Variants in RBFOX1 observed in about 807,000 individuals in gnomAD.
RBFOX1 encodes the protein RNA binding protein fox-1 homolog 1.
A neutral mutation model predicts 57.7 loss-of-function variants in RBFOX1; 8 were observed. The observed-to-expected ratio is 0.14, with a 90% CI of 0.08 to 0.25. RBFOX1 has a LOEUF of 0.25. Among genes scored for constraint, RBFOX1 ranks in the 10% least tolerant of loss-of-function variants. RBFOX1 has a pLI of 1.00. For synonymous variants in RBFOX1, 326 were observed against 222.4 expected, an observed-to-expected ratio of 1.47 and a Z score of -4.15; for missense variants, 611 against 548.5, an observed-to-expected ratio of 1.11 and a Z score of -1.14.
At chr16:6,734,491 T>A (rs12930040) in intron 3 of RBFOX1, among the ~76,000 whole-genome samples, 1 of 152,034 alleles carries the variant, frequency 6.6e-6, no homozygotes, top group Non-Finnish European at 1.5e-5. Flanking sequence ...GATGAGGACA[T>A]GGGTCCAGGA....
intron 4 of RBFOX1, among the ~76,000 whole-genome samples, chr16:7,360,620 A>T (rs2097302423): frequency 6.6e-6 from 1 of 152,222 alleles, no homozygotes; most frequent in Non-Finnish European, 1.5e-5. Flanking sequence ...ACAAAGGCAA[A>T]GGAATTATCC....
chr16:6,135,785 C>CTGT (rs2096662502), intron 1 of RBFOX1, among the ~76,000 whole-genome samples: 9 of 85,034 alleles, frequency 1.1e-4, no homozygotes, highest in African/African-American at 4.8e-4. Flanking sequence ...CTCGTTTCGA[C>CTGT]TTTTTTTTTT....
chr16:6,238,106 A>AAAAAAG (rs1567746244), intron 1 of RBFOX1, among the ~76,000 whole-genome samples: 3 of 150,402 alleles, frequency 2.0e-5, no homozygotes, highest in Non-Finnish European at 1.5e-5. Flanking sequence ...AAAAAAAAAA[A>AAAAAAG]AAAAAGAAAG....
At chr16:6,308,541 C>T (rs966056295) in intron 1 of RBFOX1, among the ~76,000 whole-genome samples, 5 of 152,190 alleles carry the variant, frequency 3.3e-5, no homozygotes, top group Non-Finnish European at 7.3e-5. Context: ...TGCACTTGAA[C>T]ATCCTGCTCG....
At chr16:7,612,148 C>T (rs888462516) in intron 10 of RBFOX1, among the ~76,000 whole-genome samples, 34 of 151,658 alleles carry the variant, frequency 2.2e-4, no homozygotes, top group Non-Finnish European at 4.0e-4. Flanking sequence ...GATGAAACCC[C>T]GTCTCTACTA....
At chr16:6,587,284 T>C (rs894944980) in intron 2 of RBFOX1, among the ~76,000 whole-genome samples, 2 of 125,882 alleles carry the variant, frequency 1.6e-5, no homozygotes, top group African/African-American at 5.2e-5. Flanking sequence ...TTTTTCTGAG[T>C]TTGGCCTTTT....
intron 4 of RBFOX1, among the ~76,000 whole-genome samples, chr16:5,989,796 C>A (rs2060355485): frequency 6.7e-6 from 1 of 148,734 alleles, no homozygotes; most frequent in African/African-American, 2.5e-5. Context: ...TAGAGGTTGA[C>A]ACCCACCGAA....
rs1013389580 is a variant in RBFOX1, at chr16:6,741,392, G to T, written c.-16+86742G>T. The stretch of plus-strand genomic sequence containing the variant: ...CTTCATCAAAATTTGGCTGGACGGG[G>T]TGGCTCATGCCTGTAATACCAGCAC... On this transcript the variant is annotated intron_variant, in intron 3 of 15. Coordinates refer to ENST00000550418, the MANE Select transcript of RBFOX1 (RefSeq NM_018723.4). 3.3e-5 allele frequency among the ~76,000 whole-genome samples: 5 copies of T among 152,216 alleles called. No homozygotes were observed. The East Asian group carries it at 7.7e-4, about 24-fold the overall frequency.
At chr16:5,824,876 T>C in intron 3 of RBFOX1, among the ~76,000 whole-genome samples, 1 of 148,544 alleles carries the variant, frequency 6.7e-6, no homozygotes, top group East Asian at 1.9e-4. Context: ...TATCCTTTGG[T>C]TTACTTTCCT....
intron 1 of RBFOX1, among the ~76,000 whole-genome samples, chr16:5,324,171 T>TA (rs1178341288): frequency 2.0e-5 from 3 of 152,110 alleles, no homozygotes; most frequent in African/African-American, 7.2e-5. Flanking sequence ...TCCTTGGAAA[T>TA]AGAGAATTCT....
chr16:6,671,287 C>T (rs368657379), intron 3 of RBFOX1, among the ~76,000 whole-genome samples: 21 of 151,988 alleles, frequency 1.4e-4, no homozygotes, highest in Admixed American at 3.9e-4. Flanking sequence ...GAGTATTATG[C>T]GGCTATTAAA....
chr16:7,009,628 A>G (rs1200953214), intron 3 of RBFOX1, among the ~76,000 whole-genome samples: 2 of 152,174 alleles, frequency 1.3e-5, no homozygotes, highest in Non-Finnish European at 2.9e-5. Context: ...TGTATAGCAT[A>G]TTGGAATTCT....
At chr16:7,435,006 C>G (rs2149702336) in intron 4 of RBFOX1, among the ~76,000 whole-genome samples, 1 of 152,292 alleles carries the variant, frequency 6.6e-6, no homozygotes, top group African/African-American at 2.4e-5. Flanking sequence ...TCCCAAAGTG[C>G]TGTCTTGTTC....
At chr16:6,386,149 A>T (rs1372468713) in intron 2 of RBFOX1, among the ~76,000 whole-genome samples, 1 of 151,848 alleles carries the variant, frequency 6.6e-6, no homozygotes, top group East Asian at 1.9e-4. Flanking sequence ...GTCACTCAGG[A>T]TGGTCTCGAT....
At chr16:7,298,638 C>T (rs975340522) in intron 4 of RBFOX1, among the ~76,000 whole-genome samples, 1 of 152,138 alleles carries the variant, frequency 6.6e-6, no homozygotes. Context: ...ATGATTAGCC[C>T]ACTATCGACT....
At chr16:7,473,760 C>T (rs2062041378) in intron 4 of RBFOX1, among the ~76,000 whole-genome samples, 1 of 152,044 alleles carries the variant, frequency 6.6e-6, no homozygotes, top group South Asian at 2.1e-4. Context: ...CACTTCTTGG[C>T]TGTGTTCATA....
intron 4 of RBFOX1, among the ~76,000 whole-genome samples, chr16:7,066,978 AAAT>A (rs1365228553): frequency 3.3e-5 from 5 of 152,212 alleles, no homozygotes; most frequent in Non-Finnish European, 5.9e-5. Context: ...AGACACATGG[AAAT>A]GCCTCTTTAT....
intron 4 of RBFOX1, among the ~76,000 whole-genome samples, chr16:7,479,832 C>T (rs992168437): frequency 6.6e-6 from 1 of 152,162 alleles, no homozygotes; most frequent in Non-Finnish European, 1.5e-5. Flanking sequence ...AGAGTCTTCC[C>T]CAGAACATCC....
intron 4 of RBFOX1, among the ~76,000 whole-genome samples, chr16:5,882,460 G>A (rs1184330900): frequency 2.0e-5 from 3 of 152,104 alleles, no homozygotes; most frequent in Non-Finnish European, 2.9e-5. Flanking sequence ...CTCATAAACT[G>A]CAAGGGTGCC....
Sources: allele counts gnomAD v4.1 joint callset (sites outside exome capture counted in the v4.1 genomes callset), GRCh38; gene constraint gnomAD v4.1.1; transcripts MANE v1.5; gene names NCBI Gene and HGNC (gene_info 2026-07-23, HGNC 2026-07-21).